COL22A1: variants seen among roughly 807,000 people sequenced by gnomAD.
The protein encoded by COL22A1 is collagen alpha-1(XXII) chain.
In COL22A1, 221 loss-of-function variants were observed where a neutral mutation model predicts 248.9. The observed-to-expected ratio is 0.89, with a 90% CI of 0.80 to 0.99. COL22A1 has a LOEUF of 0.99. COL22A1 is among the 50% of genes least tolerant of loss of function. COL22A1 has a pLI of 0.00. For missense variants in COL22A1, 2,240 were observed against 2,179.0 expected (o/e 1.03, Z -0.56); for synonymous variants, 891 against 793.4 (o/e 1.12, Z -2.07).
intron 3 of COL22A1, among the ~76,000 whole-genome samples, chr8:138,865,892 T>C (rs1438371599): frequency 6.6e-6 from 1 of 151,826 alleles, no homozygotes; most frequent in Non-Finnish European, 1.5e-5. Flanking sequence ...TGTGTATGTG[T>C]GTGCCTATTT....
intron 3 of COL22A1, among the ~76,000 whole-genome samples, chr8:138,844,783 T>A (rs543826086): frequency 6.6e-6 from 1 of 151,928 alleles, no homozygotes; most frequent in Non-Finnish European, 1.5e-5. Flanking sequence ...ACCCCGTCTC[T>A]ACTAAAGATA....
intron 56 of COL22A1, among the ~76,000 whole-genome samples, chr8:138,611,674 G>A (rs946445355): frequency 4.6e-5 from 7 of 152,166 alleles, no homozygotes; most frequent in African/African-American, 9.7e-5. Flanking sequence ...TGTTTTCCCC[G>A]TGGGGTTGAT....
intron 55 of COL22A1, among the ~76,000 whole-genome samples, chr8:138,615,651 G>A (rs1819256598): frequency 6.6e-6 from 1 of 152,052 alleles, no homozygotes; most frequent in Admixed American, 6.6e-5. Flanking sequence ...GGTGAGGGGT[G>A]TGTGGTTTCT....
intron 23 of COL22A1, among the ~76,000 whole-genome samples, chr8:138,735,865 C>T (rs921367567): frequency 2.6e-5 from 4 of 152,140 alleles, no homozygotes; most frequent in African/African-American, 9.7e-5. Context: ...GCAGTGTTTT[C>T]GGGATGAGTG....
intron 9 of COL22A1, among the ~76,000 whole-genome samples, chr8:138,810,361 T>TC (rs1448842727): frequency 1.3e-5 from 2 of 152,198 alleles, no homozygotes; most frequent in African/African-American, 4.8e-5. Context: ...AAACAAGGAT[T>TC]CCAGCGGATT....
At chr8:138,720,000 C>T (rs763182907) in intron 27 of COL22A1, among the ~76,000 whole-genome samples, 22 of 152,192 alleles carry the variant, frequency 1.4e-4, no homozygotes, top group Non-Finnish European at 2.8e-4. Flanking sequence ...CAAATGCACA[C>T]GTGCACACTC....
chr8:138,880,926 T>C (rs547989361), intron 2 of COL22A1, among the ~76,000 whole-genome samples: 1 of 152,310 alleles, frequency 6.6e-6, no homozygotes, highest in Non-Finnish European at 1.5e-5. Context: ...CCTTTTGAGC[T>C]CAGGGCACAT....
intron 53 of COL22A1, among the ~76,000 whole-genome samples, chr8:138,617,893 G>A (rs1039505066): frequency 6.6e-6 from 1 of 152,120 alleles, no homozygotes; most frequent in Admixed American, 6.5e-5. Flanking sequence ...ACTGAATAAG[G>A]ACTGCACAGT....
chr8:138,778,279 GA>G, intron 15 of COL22A1, 73 bp downstream of exon 15: 1 of 1,537,874 alleles, frequency 6.5e-7, no homozygotes, highest in South Asian at 1.1e-5. Flanking sequence ...GCAGGTGGAG[GA>G]ACTTGCTAGA....
chr8:138,692,289 TGC>T (rs1827116786), intron 35 of COL22A1, among the ~76,000 whole-genome samples: 1 of 34,138 alleles, frequency 2.9e-5, no homozygotes, highest in Non-Finnish European at 6.4e-5. Flanking sequence ...CATGCATGTG[TGC>T]ATGTTTGCGG....
At chr8:138,759,121 C>T (rs1269600093) in intron 18 of COL22A1, among the ~76,000 whole-genome samples, 4 of 152,198 alleles carry the variant, frequency 2.6e-5, no homozygotes, top group Admixed American at 6.5e-5. Flanking sequence ...ATAATGAACT[C>T]GGCTAGCACT....
intron 5 of COL22A1, among the ~76,000 whole-genome samples, chr8:138,829,707 T>A (rs1819882940): frequency 6.6e-6 from 1 of 152,178 alleles, no homozygotes; most frequent in South Asian, 2.1e-4. Context: ...CCCAAAGTGC[T>A]AGGATTACAG....
At chr8:138,740,464 C>A (rs1831464681) in intron 22 of COL22A1, among the ~76,000 whole-genome samples, 1 of 152,148 alleles carries the variant, frequency 6.6e-6, no homozygotes, top group Admixed American at 6.5e-5. Flanking sequence ...GTCTCAGCAG[C>A]AATCCGCTTC....
chr8:138,849,886 G>A (rs144535677), intron 3 of COL22A1, among the ~76,000 whole-genome samples: 129 of 152,208 alleles, frequency 8.5e-4, no homozygotes, highest in South Asian at 4.0e-3. Context: ...TGGAAGCCAC[G>A]TTGGTTGTGA....
intron 1 of COL22A1, among the ~76,000 whole-genome samples, chr8:138,889,567 G>T (rs1824904114): frequency 6.6e-6 from 1 of 152,232 alleles, no homozygotes; most frequent in East Asian, 1.9e-4. Context: ...CTGTTGTGGG[G>T]TGGGGGGAGT....
intron 5 of COL22A1, chr8:138,827,157 A>G: frequency 4.0e-6 from 1 of 251,800 alleles, no homozygotes; most frequent in South Asian, 5.8e-5. Flanking sequence ...CTCCTCAGCC[A>G]GGACAAATGG....
chr8:138,604,383 G>C (rs1458765312), intron 59 of COL22A1, among the ~76,000 whole-genome samples: 1 of 152,212 alleles, frequency 6.6e-6, no homozygotes, highest in Non-Finnish European at 1.5e-5. Context: ...GTGAGAGCAG[G>C]TGACAGATCA....
intron 46 of COL22A1, 115 bp downstream of exon 46, chr8:138,649,550 A>G: frequency 6.6e-7 from 1 of 1,506,248 alleles, no homozygotes. Flanking sequence ...TCTATCTTGA[A>G]TCTTGAACCC....
intron 47 of COL22A1, 134 bp from the exon 48 acceptor site, chr8:138,636,929 G>A (rs1821230826): frequency 4.0e-6 from 3 of 744,658 alleles, no homozygotes; most frequent in Non-Finnish European, 7.0e-6. Flanking sequence ...GGTAGCTCAG[G>A]CACGGTGGCA....
Sources: allele counts gnomAD v4.1 joint callset (sites outside exome capture counted in the v4.1 genomes callset), GRCh38; gene constraint gnomAD v4.1.1; transcripts MANE v1.5; gene names NCBI Gene and HGNC (gene_info 2026-07-23, HGNC 2026-07-21).